CPS1: variants seen among roughly 807,000 people sequenced by gnomAD.
CPS1 encodes carbamoyl-phosphate synthase [ammonia], mitochondrial.
In CPS1, 109 loss-of-function variants were observed where a neutral mutation model predicts 174.6. That is an observed-to-expected ratio of 0.62 (90% CI 0.53 to 0.73). The LOEUF is 0.73. Among genes scored for constraint, CPS1 ranks in the 30% least tolerant of loss-of-function variants. The pLI is 0.00. For missense variants in CPS1, 1,689 were observed against 1,821.9 expected (o/e 0.93, Z 1.33); for synonymous variants, 637 against 632.0 (o/e 1.01, Z -0.12).
At chr2:210,654,360 T>G (rs1202144420) in intron 29 of CPS1, among the ~76,000 whole-genome samples, 1 of 152,202 alleles carries the variant, frequency 6.6e-6, no homozygotes. Context: ...CATCATTCCT[T>G]TTGAATAGAT....
At chr2:210,668,540 G>T (rs188808253) in intron 34 of CPS1, among the ~76,000 whole-genome samples, 3 of 152,116 alleles carry the variant, frequency 2.0e-5, no homozygotes, top group Non-Finnish European at 4.4e-5. Context: ...TAAATGGGAT[G>T]CAGGGTACTT....
intron 1 of CPS1, among the ~76,000 whole-genome samples, chr2:210,572,393 A>T (rs2106071521): frequency 6.6e-6 from 1 of 152,158 alleles, no homozygotes; most frequent in South Asian, 2.1e-4. Flanking sequence ...TTCTTAGAGA[A>T]TCTGTATTTT....
At chr2:210,600,782 T>A in intron 15 of CPS1, 70 bp downstream of exon 15, 1 of 1,477,082 alleles carries the variant, frequency 6.8e-7, no homozygotes, top group Non-Finnish European at 9.4e-7. Flanking sequence ...TGATTTTTCA[T>A]GCCTAATAAT....
In CPS1 at chr2:210,660,609, C is replaced by T; in HGVS notation, c.3881C>T (p.Pro1294Leu). The T allele has an allele frequency of 6.2e-7, 1 of 1,614,064 alleles. No homozygotes were observed. The highest frequency in any genetic ancestry group is 8.5e-7 in the Non-Finnish European group (1 of 1,179,966). Residue 1294 changes from proline to leucine, a missense_variant, in exon 32 of 38, where the codon CCA becomes CTA. Physicochemically the swap from Pro to Leu is moderately conservative, Grantham distance 98. Coordinates refer to ENST00000233072, the MANE Select transcript of CPS1 (RefSeq NM_001875.5). ...IGENVDEKHL[P>L]TLDHPIIPAD... is the part of the protein sequence containing the mutation. ...GAGAATGTTGATGAGAAACATCTTC[C>T]AACATTGGACCATCCCATAATTCCT...
At chr2:210,488,858 A>AT (rs1161009726) in intron 1 of CPS1, among the ~76,000 whole-genome samples, 2 of 152,078 alleles carry the variant, frequency 1.3e-5, no homozygotes, top group Non-Finnish European at 2.9e-5. Context: ...AAAGAGGTTA[A>AT]TTTTTTATAT....
intron 34 of CPS1, chr2:210,673,649 A>AG (rs905857120): frequency 6.6e-5 from 10 of 152,136 alleles, no homozygotes; most frequent in African/African-American, 9.7e-5. Context: ...TCTAGTTTTT[A>AG]GGGGGGCTGA....
intron 1 of CPS1, among the ~76,000 whole-genome samples, chr2:210,485,558 A>G (rs1307886250): frequency 1.3e-5 from 2 of 152,022 alleles, no homozygotes; most frequent in Non-Finnish European, 2.9e-5. Flanking sequence ...GATTTTTTTC[A>G]CTCAGTATAA....
At position 210,675,434 on chromosome 2, in the gene CPS1, A is replaced by G. The variant is rs191215868; in HGVS notation, c.4162-294A>G. On this transcript the variant is annotated intron_variant, in intron 35 of 37. Transcript: ENST00000233072. ...GGAATTAGCCATGAATAATTGAGAA[A>G]TTATTAAATTTATGAGAAATTGTCA... Among the ~76,000 whole-genome samples the G allele has an allele frequency of 1.9e-3, 286 of 152,350 alleles. 1 individual carries two copies. Among genetic ancestry groups the G allele is most frequent in the Non-Finnish European group, 3.2e-3 (219 of 68,034 alleles).
chr2:210,551,675 G>T (rs368250021), upstream of CPS1, among the ~76,000 whole-genome samples: 110 of 151,664 alleles, frequency 7.3e-4, no homozygotes, highest in Middle Eastern at 6.8e-3. Context: ...ACCTTCTTTT[G>T]TATCACTCCA....
At chr2:210,575,049 C>G (rs936172041) in intron 2 of CPS1, among the ~76,000 whole-genome samples, 1 of 151,918 alleles carries the variant, frequency 6.6e-6, no homozygotes, top group Non-Finnish European at 1.5e-5. Flanking sequence ...TGTGGGCAAG[C>G]CTTGGTTAAA....
At chr2:210,611,321 A>G (rs1699112103) in intron 19 of CPS1, among the ~76,000 whole-genome samples, 1 of 152,010 alleles carries the variant, frequency 6.6e-6, no homozygotes, top group Non-Finnish European at 1.5e-5. Flanking sequence ...TACTGAAAAT[A>G]GCATTATGAC....
intron 36 of CPS1, among the ~76,000 whole-genome samples, chr2:210,676,123 C>T (rs1005674703): frequency 1.5e-4 from 23 of 152,196 alleles, no homozygotes; most frequent in African/African-American, 5.3e-4. Flanking sequence ...CTTTATATTT[C>T]ATGTCAAACT....
rs551979389 is a variant in CPS1 at position 210,623,506 on chromosome 2, A to G, written c.2687+6965A>G. 1.2e-4 allele frequency among the ~76,000 whole-genome samples: 18 copies of G among 152,236 alleles called. No homozygotes were observed. The South Asian group carries it at 3.7e-3, about 32-fold the overall frequency. On this transcript the variant is annotated intron_variant, in intron 21 of 37. Transcript: ENST00000233072. The stretch of plus-strand genomic sequence containing the variant: ...GCTTATAGTCAATATAGTTTTAAAA[A>G]AAAGAGTAAAGTGCACTTTTCAAGG...
chr2:210,494,536 G>A (rs1694944085), intron 1 of CPS1, among the ~76,000 whole-genome samples: 1 of 152,156 alleles, frequency 6.6e-6, no homozygotes, highest in Non-Finnish European at 1.5e-5. Flanking sequence ...ACCCTAAACG[G>A]CCCTATTGTC....
At chr2:210,518,521 TTTC>T (rs2105984670) in intron 1 of CPS1, among the ~76,000 whole-genome samples, 2 of 152,114 alleles carry the variant, frequency 1.3e-5, no homozygotes, top group South Asian at 4.1e-4. Flanking sequence ...CTTGCTACTT[TTTC>T]TTCTTTCTTT....
At chr2:210,653,793 G>T (rs77649060) in intron 28 of CPS1, among the ~76,000 whole-genome samples, 2,077 of 152,180 alleles carry the variant, frequency 0.014, 46 homozygotes, top group African/African-American at 0.047. Context: ...AGAACTCATG[G>T]TCAGTTTGCT....
intron 31 of CPS1, among the ~76,000 whole-genome samples, chr2:210,659,636 G>T (rs183092068): frequency 6.6e-6 from 1 of 152,086 alleles, no homozygotes; most frequent in Non-Finnish European, 1.5e-5. Context: ...CCTCCTACTC[G>T]CAGTCATTTG....
chr2:210,675,521 G>A (rs910173798), intron 35 of CPS1, among the ~76,000 whole-genome samples: 1 of 152,050 alleles, frequency 6.6e-6, no homozygotes, highest in African/African-American at 2.4e-5. Flanking sequence ...ATAAAATTGA[G>A]GTTCTTAAGT....
intron 25 of CPS1, among the ~76,000 whole-genome samples, chr2:210,647,389 C>G (rs1237875401): frequency 6.6e-6 from 1 of 152,110 alleles, no homozygotes; most frequent in Non-Finnish European, 1.5e-5. Flanking sequence ...GCTTTATTCT[C>G]TAGGCAGTGG....
Sources: gnomAD v4.1 joint callset for allele counts (sites outside exome capture counted in the v4.1 genomes callset) on GRCh38, gnomAD v4.1.1 for gene constraint, MANE v1.5 for transcripts, NCBI Gene and HGNC (gene_info 2026-07-23, HGNC 2026-07-21) for gene names.